The following DNAH9 variants were observed in gnomAD, a reference collection of about 807,000 sequenced individuals.
DNAH9 encodes DNAH9 variant protein.
In DNAH9, 345 loss-of-function variants were observed where a neutral mutation model predicts 471.6. The ratio of observed to expected loss-of-function variants is 0.73; its 90% confidence interval spans 0.67 to 0.80. DNAH9 has a LOEUF of 0.80. Ranked by LOEUF, DNAH9 falls within the 30% of genes least tolerant of loss-of-function variation. The probability of loss-of-function intolerance (pLI) is 0.00; values close to 1 mark genes in which losing one functional copy is unlikely to be tolerated. For synonymous variants in DNAH9, 2,093 were observed against 2,123.6 expected (o/e 0.99, Z 0.40); for missense variants, 5,407 against 5,609.2 (o/e 0.96, Z 1.15).
chr17:11,894,334 A>T lies in DNAH9; in HGVS notation c.11284-40A>T, dbSNP rs16945437. The T allele has an allele frequency of 4.0e-3, 6,389 of 1,606,904 alleles. 234 individuals carry two copies. In the African/African-American group the frequency reaches 0.075, roughly 19 times the overall value. On this transcript the variant is annotated intron_variant, in intron 58 of 68. Transcript: ENST00000262442. ...CCCTAAGATTTCTAGGACTCTGGCTACAAGCTAAAGAAATGCAGTATCATT... is the reference window on the plus strand; with the variant it reads ...CCCTAAGATTTCTAGGACTCTGGCTTCAAGCTAAAGAAATGCAGTATCATT...
intron 48 of DNAH9, among the ~76,000 whole-genome samples, chr17:11,830,021 C>T (rs972038623): frequency 2.0e-5 from 3 of 152,168 alleles, no homozygotes; most frequent in African/African-American, 7.2e-5. Flanking sequence ...AGGGACTTTT[C>T]CTCCTTCTCC....
At chr17:11,743,309 A>C (rs998912492) in intron 30 of DNAH9, among the ~76,000 whole-genome samples, 2 of 152,198 alleles carry the variant, frequency 1.3e-5, no homozygotes, top group African/African-American at 2.4e-5. Flanking sequence ...GATATTTCTC[A>C]GACAAGTCTC....
intron 1 of DNAH9, among the ~76,000 whole-genome samples, chr17:11,600,506 T>G (rs1467686173): frequency 6.6e-6 from 1 of 152,078 alleles, no homozygotes; most frequent in African/African-American, 2.4e-5. Context: ...ATAATGAAAA[T>G]TCTCGAATGT....
Position 11,617,616 on chromosome 17 carries a change from C to T in DNAH9, c.1110C>T (p.Ile370=), listed in dbSNP as rs576365392. 3 of 1,613,522 alleles carry T rather than the reference C, an allele frequency of 1.9e-6. No homozygotes were observed. The African/African-American group carries it at 4.0e-5, about 22-fold the overall frequency. Residue 370 remains isoleucine, a synonymous_variant, in exon 5 of 69, where the codon ATC becomes ATT. Transcript: ENST00000262442. The part of the protein sequence containing the change: ...VLLQEICNLL[I]QQASNYLSPE... ...TCCAGGAGATTTGCAACCTTCTCAT[C>T]CAGCAGGTGGGCTGCCCTGGGATGC...
intron 26 of DNAH9, among the ~76,000 whole-genome samples, chr17:11,709,717 G>C (rs992010066): frequency 3.3e-5 from 5 of 152,142 alleles, no homozygotes; most frequent in Non-Finnish European, 7.4e-5. Flanking sequence ...TTTTCAGGCT[G>C]AACAAAAGCA....
intron 4 of DNAH9, 23 bp downstream of exon 4, chr17:11,611,803 A>T (rs1567663559): frequency 6.2e-7 from 1 of 1,613,496 alleles, no homozygotes; most frequent in East Asian, 2.2e-5. Flanking sequence ...AAGTGTTTTC[A>T]CAAATGTGTT....
In DNAH9 at chr17:11,864,506, G is replaced by C. The variant is rs941940619; in HGVS notation, c.9934-4628G>C. On this transcript the variant is annotated intron_variant, in intron 50 of 68. Coordinates refer to ENST00000262442, the MANE Select transcript of DNAH9 (RefSeq NM_001372.4). Reference sequence around the variant, plus strand: ...AAAAAAATGTATATTCTGTTGATTTGGGGTGGAGAGTTCTGTAGATGTCTA... The same window carrying C: ...AAAAAAATGTATATTCTGTTGATTTCGGGTGGAGAGTTCTGTAGATGTCTA... Among the ~76,000 whole-genome samples the C allele has an allele frequency of 2.1e-4, 32 of 149,960 alleles. No individual in the cohort carries two copies. In the South Asian group the frequency reaches 3.0e-3, roughly 14 times the overall value.
chr17:11,883,723 G>A lies in DNAH9; in HGVS notation c.10944G>A (p.Lys3648=), dbSNP rs1972798017. 6.2e-7 allele frequency: 1 copy of A among 1,614,072 alleles called. No homozygotes were observed. The highest frequency in any genetic ancestry group is 2.2e-5 in the East Asian group (1 of 44,888). ...TVLVENLEIT[K]QTAAEVEKKV... ...TGGTGGAAAACCTAGAGATCACCAAGCAGACTGCTGCCGAAGTTGAGAAAA... is the reference window on the plus strand; with the variant it reads ...TGGTGGAAAACCTAGAGATCACCAAACAGACTGCTGCCGAAGTTGAGAAAA... Residue 3648 remains lysine, a synonymous_variant, in exon 56 of 69, where the codon AAG becomes AAA. Transcript: ENST00000262442.
chr17:11,716,838 G>A (rs2074973609), intron 26 of DNAH9, among the ~76,000 whole-genome samples: 1 of 152,184 alleles, frequency 6.6e-6, no homozygotes, highest in South Asian at 2.1e-4. Flanking sequence ...GTCAGGGATT[G>A]AAGACTCTGC....
Position 11,598,879 on chromosome 17 carries a change from G to A in DNAH9, c.381G>A (p.Ala127=), listed in dbSNP as rs1484287727. The A allele has an allele frequency of 1.3e-6, 2 of 1,542,356 alleles. No homozygotes were observed. The highest frequency in any genetic ancestry group is 1.7e-6 in the Non-Finnish European group (2 of 1,150,764). Residue 127 remains alanine (A), a synonymous_variant, in exon 1 of 69, where the codon GCG becomes GCA. Coordinates refer to ENST00000262442, the MANE Select transcript of DNAH9 (RefSeq NM_001372.4). ...RGAVVCGDLP[A]APLEHLAALF... ...CAGTGGTCTGCGGGGACCTGCCCGC[G>A]GCACCTCTGGAGCACCTAGCCGCGC...
chr17:11,673,569 A>G (rs2074003054), intron 17 of DNAH9, among the ~76,000 whole-genome samples: 1 of 151,180 alleles, frequency 6.6e-6, no homozygotes, highest in Non-Finnish European at 1.5e-5. Context: ...ACTCCTTTAC[A>G]GCAAAATTTC....
chr17:11,954,503 T>G (rs533224095), intron 67 of DNAH9, among the ~76,000 whole-genome samples: 1 of 148,256 alleles, frequency 6.7e-6, no homozygotes, highest in South Asian at 2.2e-4. Context: ...TCAGAAGCTG[T>G]GCAAGCCAGA....
At chr17:11,698,041 T>TA (rs1225122126) in intron 22 of DNAH9, among the ~76,000 whole-genome samples, 2 of 145,388 alleles carry the variant, frequency 1.4e-5, no homozygotes. Context: ...GTATAAAGGT[T>TA]AAAAAAATTA....
intron 61 of DNAH9, among the ~76,000 whole-genome samples, chr17:11,920,631 AAAAAG>A (rs1555621166): frequency 2.7e-4 from 40 of 148,450 alleles, no homozygotes; most frequent in African/African-American, 8.7e-4. Context: ...AAAAAAAAAA[AAAAAG>A]AAAAGAAAAA....
intron 8 of DNAH9, among the ~76,000 whole-genome samples, chr17:11,633,488 AC>A (rs2073105607): frequency 1.3e-5 from 2 of 152,148 alleles, no homozygotes; most frequent in African/African-American, 4.8e-5. Flanking sequence ...AGAGGCTTAA[AC>A]CCTGGATGGA....
chr17:11,727,777 C>A, intron 27 of DNAH9, 41 bp from the exon 28 acceptor site: 1 of 1,392,880 alleles, frequency 7.2e-7, no homozygotes, highest in Non-Finnish European at 1.0e-6. Flanking sequence ...ATTGATAAGC[C>A]TGGCCCGTTG....
intron 38 of DNAH9, among the ~76,000 whole-genome samples, chr17:11,776,439 A>G (rs544251366): frequency 2.6e-5 from 4 of 152,036 alleles, no homozygotes; most frequent in South Asian, 4.1e-4. Context: ...ACTTATGCCT[A>G]TGTCTTCATG....
At chr17:11,827,793 C>T (rs1172789017) in intron 48 of DNAH9, among the ~76,000 whole-genome samples, 4 of 152,046 alleles carry the variant, frequency 2.6e-5, no homozygotes, top group African/African-American at 9.7e-5. Context: ...TCAAGCGATT[C>T]TCCTGCCTCA....
chr17:11,837,599 A>G (rs1253559562), intron 49 of DNAH9, among the ~76,000 whole-genome samples: 1 of 152,164 alleles, frequency 6.6e-6, no homozygotes, highest in Non-Finnish European at 1.5e-5. Flanking sequence ...CTCTGCTCCT[A>G]CCCATAATCC....
Sources: gnomAD v4.1 joint callset for allele counts (sites outside exome capture counted in the v4.1 genomes callset) on GRCh38, gnomAD v4.1.1 for gene constraint, MANE v1.5 for transcripts, NCBI Gene and HGNC (gene_info 2026-07-23, HGNC 2026-07-21) for gene names.